Variants in ZIM2 observed in about 807,000 individuals in gnomAD.
The protein encoded by ZIM2 is zinc finger imprinted 2.
Under a neutral mutation model 38.6 loss-of-function variants are expected in ZIM2, and 14 were observed. That is an observed-to-expected ratio of 0.36 (90% confidence interval 0.24 to 0.57). The LOEUF (loss-of-function observed/expected upper bound fraction) is 0.57, where lower values mean the gene tolerates loss of function less well. Ranked by LOEUF, ZIM2 falls within the 20% of genes least tolerant of loss-of-function variation. The pLI is 0.81. For missense variants in ZIM2, 680 were observed against 695.1 expected (o/e 0.98, Z 0.24); for synonymous variants, 247 against 245.8 (o/e 1.00, Z -0.04).
At chr19:56,784,831 TATAAAA>T (rs1420525398) in intron 10 of ZIM2, among the ~76,000 whole-genome samples, 3 of 152,226 alleles carry the variant, frequency 2.0e-5, no homozygotes, top group East Asian at 3.8e-4. Context: ...CCCTTGATAC[TATAAAA>T]ATAAAAAGGC....
chr19:56,803,786 A>G (rs1254661921), intron 9 of ZIM2, among the ~76,000 whole-genome samples: 1 of 152,196 alleles, frequency 6.6e-6, no homozygotes, highest in Non-Finnish European at 1.5e-5. Flanking sequence ...CACATTCCAA[A>G]TGCCACTTTT....
chr19:56,824,422 C>G lies in ZIM2; in HGVS notation c.-145G>C. 6.2e-7 allele frequency: 1 copy of G among 1,614,152 alleles called. No individual in the cohort carries two copies. The highest frequency in any genetic ancestry group is 8.5e-7 in the Non-Finnish European group (1 of 1,180,024). ...CGATGATCTCCTCCTTGGTGCGGGT[C>G]TCCGGCTGCAACCAATCGAGGCAGA... is the stretch of plus-strand genomic sequence containing the variant. On this transcript the variant is annotated 5_prime_UTR_variant, in exon 4 of 13. Coordinates refer to ENST00000629319, the MANE Select transcript of ZIM2 (RefSeq NM_001387356.1).
chr19:56,810,434 A>G (rs2146062526), intron 9 of ZIM2: 1 of 983,948 alleles, frequency 1.0e-6, no homozygotes, highest in South Asian at 4.7e-5. Context: ...TTTGACATTT[A>G]TGCATACTTA....
At chr19:56,833,560 A>T (rs909920942) in intron 2 of ZIM2, 2 of 206,844 alleles carry the variant, frequency 9.7e-6, no homozygotes, top group Admixed American at 1.1e-4. Flanking sequence ...TGCATGCTAC[A>T]GCCTGATTCC....
chr19:56,837,362 T>C (rs2062269096), intron 1 of ZIM2, among the ~76,000 whole-genome samples: 1 of 152,094 alleles, frequency 6.6e-6, no homozygotes, highest in Non-Finnish European at 1.5e-5. Context: ...CGATTTTGAG[T>C]GAAAATCCTT....
rs558462272 is a variant in ZIM2 at position 56,787,464 on chromosome 19, C to T, written c.570+2408G>A. On this transcript the variant is annotated intron_variant, in intron 10 of 12. Coordinates refer to ENST00000629319, the MANE Select transcript of ZIM2 (RefSeq NM_001387356.1). ...CTAATTTTTGTATTTTTAGTAGAGACGGGGTTTCACCATGTTGGTCAGGCT... is the reference window on the plus strand; with the variant it reads ...CTAATTTTTGTATTTTTAGTAGAGATGGGGTTTCACCATGTTGGTCAGGCT... 2.7e-4 allele frequency among the ~76,000 whole-genome samples: 41 copies of T among 152,058 alleles called. No individual in the cohort carries two copies. The South Asian group carries it at 4.6e-3, about 17-fold the overall frequency.
chr19:56,822,858 G>A, intron 5 of ZIM2, 22 bp from the exon 6 acceptor site: 1 of 1,609,018 alleles, frequency 6.2e-7, no homozygotes, highest in East Asian at 2.2e-5. Context: ...AGACATTCCA[G>A]TGGTTAACAA....
intron 9 of ZIM2, chr19:56,815,104 C>A (rs2059850445): frequency 7.4e-6 from 12 of 1,613,734 alleles, no homozygotes; most frequent in Non-Finnish European, 8.5e-6. Flanking sequence ...AAAGCCCAGG[C>A]CACAGTCCTC....
intron 1 of ZIM2, among the ~76,000 whole-genome samples, chr19:56,838,817 G>A (rs1001815977): frequency 2.0e-5 from 3 of 152,168 alleles, no homozygotes; most frequent in Admixed American, 6.5e-5. Flanking sequence ...TTCCATCACC[G>A]CAAGGCAGGC....
chr19:56,831,454 G>A (rs1183254509), intron 2 of ZIM2, among the ~76,000 whole-genome samples: 2 of 152,174 alleles, frequency 1.3e-5, no homozygotes, highest in Non-Finnish European at 2.9e-5. Context: ...AATTAGGGTT[G>A]GCCTTTGACG....
At chr19:56,840,349 A>G (rs947388584) in intron 1 of ZIM2, among the ~76,000 whole-genome samples, 1 of 151,708 alleles carries the variant, frequency 6.6e-6, no homozygotes, top group African/African-American at 2.4e-5. Flanking sequence ...GGCTGCGCCC[A>G]CCCCTGCCCC....
chr19:56,825,540 C>T (rs966920204), intron 3 of ZIM2, among the ~76,000 whole-genome samples: 1 of 148,564 alleles, frequency 6.7e-6, no homozygotes, highest in African/African-American at 2.4e-5. Context: ...TGAGATTGGA[C>T]ATAAATGTAA....
intron 9 of ZIM2, among the ~76,000 whole-genome samples, chr19:56,801,193 C>T (rs2047508934): frequency 6.6e-6 from 1 of 152,106 alleles, no homozygotes; most frequent in African/African-American, 2.4e-5. Context: ...GCCTCGCCCT[C>T]CCAAAGTGCT....
intron 9 of ZIM2, chr19:56,817,306 G>A (rs1167317334): frequency 1.1e-5 from 17 of 1,614,110 alleles, no homozygotes; most frequent in Non-Finnish European, 1.4e-5. Flanking sequence ...AACAAGGGTT[G>A]AATTAAACCT....
intron 6 of ZIM2, 147 bp from the exon 7 acceptor site, chr19:56,821,901 G>T: frequency 2.4e-6 from 2 of 838,610 alleles, no homozygotes; most frequent in Non-Finnish European, 1.9e-6. Context: ...GGCAGCCTCT[G>T]AGGAGTCCCA....
In ZIM2 at chr19:56,814,133, C is replaced by T. The variant is rs2059751238; in HGVS notation, c.490+3613G>A. The stretch of plus-strand genomic sequence containing the variant: ...TGCTCGGCCTCTCCATTTGGCTGTC[C>T]AGCCTCTCCAATGGGCTCTGCAGCC... On this transcript the variant is annotated intron_variant, in intron 9 of 12. Transcript: ENST00000629319. The surrounding 1 kb of genome is among the most constrained non-coding windows in gnomAD (Gnocchi z 5.8). 2 of 1,614,064 alleles carry T rather than the reference C, an allele frequency of 1.2e-6. No individual in the cohort carries two copies. The highest frequency in any genetic ancestry group is 1.3e-5 in the African/African-American group (1 of 74,940).
rs547567113 is a variant in ZIM2 at position 56,830,422 on chromosome 19, C to A, written c.-226-3959G>T. Among the ~76,000 whole-genome samples, 6 of 152,250 alleles carry A rather than the reference C, an allele frequency of 3.9e-5. No homozygotes were observed. In the South Asian group the frequency reaches 1.2e-3, roughly 32 times the overall value. ...CTTCAACAGCCTTTCCTCATAAATT[C>A]TTAGCAGAGTAAAAGCAGGAGACCA... On this transcript the variant is annotated intron_variant, in intron 2 of 12. Coordinates refer to ENST00000629319, the MANE Select transcript of ZIM2 (RefSeq NM_001387356.1).
intron 11 of ZIM2, 74 bp from the exon 12 acceptor site, chr19:56,779,546 TAAGG>T (rs1266366193): frequency 7.0e-7 from 1 of 1,433,394 alleles, no homozygotes; most frequent in African/African-American, 1.4e-5. Flanking sequence ...TCTGGAATAA[TAAGG>T]AAGGAACAAA....
At chr19:56,819,578 T>C (rs2060285955) in intron 7 of ZIM2, among the ~76,000 whole-genome samples, 1 of 152,160 alleles carries the variant, frequency 6.6e-6, no homozygotes, top group South Asian at 2.1e-4. Context: ...GCTTTGGAGC[T>C]GGACAGAGAT....
Sources: gnomAD v4.1 joint callset for allele counts (sites outside exome capture counted in the v4.1 genomes callset) on GRCh38, gnomAD v4.1.1 for gene constraint, Gnocchi (gnomAD v3.1) non-coding constraint, MANE v1.5 for transcripts, NCBI Gene and HGNC (gene_info 2026-07-23, HGNC 2026-07-21) for gene names.